Variants in ANK2 observed in about 807,000 individuals in gnomAD.
ANK2 encodes the protein ankyrin 2, also known as ankyrin-2.
A neutral mutation model predicts 360.5 loss-of-function variants in ANK2; 83 were observed. The ratio of observed to expected loss-of-function variants is 0.23; its 90% CI spans 0.19 to 0.28. ANK2 has a LOEUF of 0.28. ANK2 is among the 10% of genes least tolerant of loss of function. The pLI is 1.00. For missense variants in ANK2, 4,201 were observed against 4,795.7 expected (o/e 0.88, Z 3.66); for synonymous variants, 1,740 against 1,759.5 (o/e 0.99, Z 0.28).
At chr4:112,708,253 A>C in the ANK2 span, among the ~76,000 whole-genome samples, 3 of 152,200 alleles carry the variant, frequency 2.0e-5, no homozygotes, top group East Asian at 5.8e-4. Context: ...TTCCATGTTC[A>C]TTAGTAATTC....
chr4:112,985,077 A>T (rs1023726072), intron 2 of ANK2, among the ~76,000 whole-genome samples: 2 of 152,242 alleles, frequency 1.3e-5, no homozygotes, highest in Admixed American at 6.5e-5. Context: ...AATAATGGTG[A>T]TGTCATTCAA....
the ANK2 span, among the ~76,000 whole-genome samples, chr4:112,789,851 A>G: frequency 6.6e-6 from 1 of 152,230 alleles, no homozygotes; most frequent in Non-Finnish European, 1.5e-5. Flanking sequence ...GCATCAGAGA[A>G]ATGTGAAACT....
chr4:112,793,636 A>T, the ANK2 span, among the ~76,000 whole-genome samples: 1 of 151,716 alleles, frequency 6.6e-6, no homozygotes, highest in Non-Finnish European at 1.5e-5. Flanking sequence ...CTAAGAGATG[A>T]TTTTGTTATA....
chr4:112,907,054 A>C (rs954058281), intron 2 of ANK2, among the ~76,000 whole-genome samples: 1 of 152,190 alleles, frequency 6.6e-6, no homozygotes, highest in Non-Finnish European at 1.5e-5. Flanking sequence ...TGAAGAAAGG[A>C]TTACTTTAAC....
chr4:112,804,296 A>G, the ANK2 span, among the ~76,000 whole-genome samples: 1 of 152,224 alleles, frequency 6.6e-6, no homozygotes, highest in African/African-American at 2.4e-5. Flanking sequence ...CTGGGATTAC[A>G]GGCGTGAGCC....
chr4:112,911,207 T>C (rs1451224426), intron 2 of ANK2, among the ~76,000 whole-genome samples: 2 of 148,952 alleles, frequency 1.3e-5, no homozygotes, highest in African/African-American at 2.5e-5. Context: ...TTTTTTTTTT[T>C]TTAGAGATGG....
At chr4:113,373,726 C>A in intron 45 of ANK2, 1 of 575,888 alleles carries the variant, frequency 1.7e-6, no homozygotes, top group Non-Finnish European at 3.2e-6. Flanking sequence ...TGCAGAAATC[C>A]AAAAGTCAAA....
intron 2 of ANK2, among the ~76,000 whole-genome samples, chr4:113,003,210 T>C (rs975555229): frequency 7.2e-5 from 11 of 152,170 alleles, no homozygotes; most frequent in African/African-American, 2.7e-4. Flanking sequence ...AAACAAGCAA[T>C]GTGCGAGCTT....
chr4:113,070,792 G>GA (rs1391734777), intron 1 of ANK2, among the ~76,000 whole-genome samples: 1 of 151,948 alleles, frequency 6.6e-6, no homozygotes, highest in Non-Finnish European at 1.5e-5. Context: ...TGTGTCTTTT[G>GA]AAAACACTTA....
At chr4:113,288,293 G>T in intron 19 of ANK2, 95 bp from the exon 20 acceptor site, 1 of 1,028,412 alleles carries the variant, frequency 9.7e-7, no homozygotes, top group South Asian at 1.4e-5. Context: ...TATAATAACT[G>T]ATACTCTACC....
the ANK2 span, among the ~76,000 whole-genome samples, chr4:112,767,475 C>T: frequency 6.6e-6 from 1 of 151,888 alleles, no homozygotes; most frequent in African/African-American, 2.4e-5. Context: ...GCAGGAGAAT[C>T]GCTTGAATGC....
intron 1 of ANK2, among the ~76,000 whole-genome samples, chr4:113,171,677 C>G (rs41434448): frequency 0.13 from 19,126 of 152,118 alleles, 1,267 homozygotes; most frequent in Middle Eastern, 0.18. Flanking sequence ...ACACTGGGAG[C>G]ATTGTTTGCT....
intron 1 of ANK2, among the ~76,000 whole-genome samples, chr4:113,091,942 T>C (rs139127636): frequency 6.6e-6 from 1 of 152,312 alleles, no homozygotes; most frequent in African/African-American, 2.4e-5. Flanking sequence ...CCAATGTTTT[T>C]TGGGCTTTGG....
At chr4:112,893,733 C>A (rs1262893873) in intron 1 of ANK2, among the ~76,000 whole-genome samples, 1 of 152,164 alleles carries the variant, frequency 6.6e-6, no homozygotes, top group Non-Finnish European at 1.5e-5. Flanking sequence ...CAGTGGCTCA[C>A]ACCTGTAATC....
intron 1 of ANK2, among the ~76,000 whole-genome samples, chr4:113,075,826 G>T (rs1404174230): frequency 6.6e-6 from 1 of 152,124 alleles, no homozygotes; most frequent in Non-Finnish European, 1.5e-5. Flanking sequence ...TATTGGATTT[G>T]GTTACCTGCT....
At chr4:113,211,470 A>G (rs1306689629) in intron 4 of ANK2, among the ~76,000 whole-genome samples, 2 of 152,202 alleles carry the variant, frequency 1.3e-5, no homozygotes, top group Non-Finnish European at 2.9e-5. Context: ...GAAAGATCTC[A>G]ACCTTCTAGG....
chr4:112,722,084 A>T, the ANK2 span, among the ~76,000 whole-genome samples: 13 of 152,188 alleles, frequency 8.5e-5, no homozygotes, highest in Admixed American at 7.9e-4. Flanking sequence ...CAGTCACATT[A>T]TTCGAGCCAT....
intron 2 of ANK2, among the ~76,000 whole-genome samples, chr4:113,018,330 CA>C (rs2057188435): frequency 6.6e-6 from 1 of 152,142 alleles, no homozygotes; most frequent in Non-Finnish European, 1.5e-5. Context: ...GACCATCAAT[CA>C]AAACACCAGC....
At chr4:113,253,522 C>A (rs2047633799) in intron 10 of ANK2, among the ~76,000 whole-genome samples, 1 of 152,112 alleles carries the variant, frequency 6.6e-6, no homozygotes, top group South Asian at 2.1e-4. Context: ...AACACCCACC[C>A]CTCAACCTAA....
Sources: gnomAD v4.1 joint callset for allele counts (sites outside exome capture counted in the v4.1 genomes callset) on GRCh38, gnomAD v4.1.1 for gene constraint, MANE v1.5 for transcripts, NCBI Gene and HGNC (gene_info 2026-07-23, HGNC 2026-07-21) for gene names.